PPP1R9A: variants seen among roughly 807,000 people sequenced by gnomAD.
The protein encoded by PPP1R9A is protein phosphatase 1 regulatory subunit 9A.
Under a neutral mutation model 141.9 loss-of-function variants are expected in PPP1R9A, and 59 were observed. That is an observed-to-expected ratio of 0.42 (90% CI 0.34 to 0.52). The LOEUF (loss-of-function observed/expected upper bound fraction) is 0.52, where lower values mean the gene tolerates loss of function less well. PPP1R9A is among the 20% of genes least tolerant of loss of function. The probability of loss-of-function intolerance (pLI) is 0.10; values close to 1 mark genes in which losing one functional copy is unlikely to be tolerated. For synonymous variants in PPP1R9A, 500 were observed against 569.7 expected (o/e 0.88, Z 1.74); for missense variants, 1,444 against 1,611.9 (o/e 0.90, Z 1.78).
chr7:95,053,154 G>T (rs1811044628), intron 2 of PPP1R9A, among the ~76,000 whole-genome samples: 1 of 152,168 alleles, frequency 6.6e-6, no homozygotes, highest in African/African-American at 2.4e-5. Context: ...TCATTAAAAT[G>T]TTGTTCACAG....
At chr7:94,913,064 C>T (rs1791648728) in intron 2 of PPP1R9A, among the ~76,000 whole-genome samples, 1 of 152,130 alleles carries the variant, frequency 6.6e-6, no homozygotes, top group African/African-American at 2.4e-5. Context: ...TTGAGAAAGG[C>T]AGGAATAACT....
At chr7:95,190,671 C>T (rs1458886409) in intron 5 of PPP1R9A, among the ~76,000 whole-genome samples, 8 of 152,216 alleles carry the variant, frequency 5.3e-5, no homozygotes, top group Non-Finnish European at 1.2e-4. Context: ...GGAGGTGGCG[C>T]TTTCAAGAGA....
chr7:94,947,254 G>A (rs986673447), intron 2 of PPP1R9A, among the ~76,000 whole-genome samples: 5 of 152,090 alleles, frequency 3.3e-5, no homozygotes, highest in African/African-American at 1.2e-4. Context: ...GACCATCAGT[G>A]CTGGACACTC....
intron 7 of PPP1R9A, among the ~76,000 whole-genome samples, chr7:95,210,460 G>C (rs1791847133): frequency 6.6e-6 from 1 of 151,710 alleles, no homozygotes; most frequent in Non-Finnish European, 1.5e-5. Flanking sequence ...TGAAGGGTGT[G>C]TTCAAAAAAA....
At position 95,160,074 on chromosome 7, in the gene PPP1R9A, G is replaced by T. The variant is rs565190086; in HGVS notation, c.1650-1793G>T. Among the ~76,000 whole-genome samples, 267 of 151,468 alleles carry T rather than the reference G, an allele frequency of 1.8e-3. 2 individuals carry two copies. Among genetic ancestry groups the T allele is most frequent in the African/African-American group, 6.1e-3 (251 of 41,338 alleles). On this transcript the variant is annotated intron_variant, in intron 4 of 19. Coordinates refer to ENST00000433360, the MANE Select transcript of PPP1R9A (RefSeq NM_001166160.2). ...CATGTTTGAAGTATTTCATTATGAAGAATAAAAATGATATATATAAAATAT... is the reference window on the plus strand; with the variant it reads ...CATGTTTGAAGTATTTCATTATGAATAATAAAAATGATATATATAAAATAT...
intron 5 of PPP1R9A, among the ~76,000 whole-genome samples, chr7:95,167,127 CATG>C (rs1831384477): frequency 6.6e-6 from 1 of 152,124 alleles, no homozygotes; most frequent in Non-Finnish European, 1.5e-5. Flanking sequence ...GCCTCACAAT[CATG>C]GTGGAAGGCA....
At chr7:95,221,970 A>ATG (rs1794522378) in intron 7 of PPP1R9A, among the ~76,000 whole-genome samples, 2 of 152,052 alleles carry the variant, frequency 1.3e-5, no homozygotes, top group South Asian at 4.1e-4. Flanking sequence ...TGGTATGCAT[A>ATG]TGTGTGTGTG....
intron 1 of PPP1R9A, 135 bp downstream of exon 1, chr7:94,907,837 C>A (rs1211060494): frequency 1.3e-5 from 2 of 150,424 alleles, no homozygotes; most frequent in Non-Finnish European, 3.0e-5. Context: ...TGGCCCCAGG[C>A]CGGCCCGAGC....
intron 2 of PPP1R9A, among the ~76,000 whole-genome samples, chr7:95,029,220 A>G (rs572955842): frequency 5.9e-5 from 9 of 152,306 alleles, no homozygotes; most frequent in Non-Finnish European, 1.5e-5. Context: ...AGGGTGAGGA[A>G]GTGTTTTATG....
intron 7 of PPP1R9A, among the ~76,000 whole-genome samples, chr7:95,208,534 C>T (rs1384507062): frequency 1.3e-5 from 2 of 151,864 alleles, no homozygotes; most frequent in African/African-American, 4.8e-5. Flanking sequence ...ACCATCCTGG[C>T]TAACACGGTG....
At chr7:95,288,047 G>A (rs1440267597) in intron 18 of PPP1R9A, among the ~76,000 whole-genome samples, 2 of 152,122 alleles carry the variant, frequency 1.3e-5, no homozygotes, top group African/African-American at 4.8e-5. Context: ...CTCACAGTTT[G>A]CTTGCTGCTC....
intron 7 of PPP1R9A, among the ~76,000 whole-genome samples, chr7:95,215,261 G>A (rs1001518585): frequency 2.6e-5 from 4 of 151,846 alleles, no homozygotes; most frequent in African/African-American, 7.3e-5. Context: ...TGAGAATGAT[G>A]GTTTCCAGCT....
chr7:95,002,199 AAAT>A (rs1287538527), intron 2 of PPP1R9A, among the ~76,000 whole-genome samples: 1 of 152,234 alleles, frequency 6.6e-6, no homozygotes, highest in African/African-American at 2.4e-5. Flanking sequence ...ATGTTATTAA[AAAT>A]AATGAGTGTG....
intron 2 of PPP1R9A, chr7:95,037,193 T>C (rs542769235): frequency 6.6e-6 from 1 of 152,212 alleles, no homozygotes; most frequent in African/African-American, 2.4e-5. Context: ...TATGAGCATA[T>C]AGTGGTCCAT....
chr7:95,079,992 G>C (rs1815540295), intron 2 of PPP1R9A, among the ~76,000 whole-genome samples: 4 of 151,802 alleles, frequency 2.6e-5, no homozygotes, highest in African/African-American at 9.7e-5. Context: ...TACTGAATGG[G>C]CAAAAACTGG....
rs981516305 is a variant in PPP1R9A at position 95,067,543 on chromosome 7, T to G, written c.1396-43716T>G. On this transcript the variant is annotated intron_variant, in intron 2 of 19. Transcript: ENST00000433360. ...TAACTTTATAGTTAACAAAAATTTG[T>G]GTGAGAAAGAAGAGATACTTATATA... is the stretch of plus-strand genomic sequence containing the variant. 2.6e-5 allele frequency among the ~76,000 whole-genome samples: 4 copies of G among 152,130 alleles called. No individual in the cohort carries two copies. The East Asian group carries it at 5.8e-4, about 22-fold the overall frequency.
chr7:95,165,540 C>T (rs934015584), intron 5 of PPP1R9A, among the ~76,000 whole-genome samples: 5 of 152,340 alleles, frequency 3.3e-5, no homozygotes, highest in African/African-American at 1.2e-4. Flanking sequence ...CACCAAGCCA[C>T]AATTGAACAG....
intron 5 of PPP1R9A, among the ~76,000 whole-genome samples, chr7:95,181,002 A>T (rs1833660502): frequency 6.6e-6 from 1 of 151,902 alleles, no homozygotes; most frequent in East Asian, 1.9e-4. Context: ...CTACCATGTG[A>T]TCCAGCAATC....
At chr7:95,258,719 A>G (rs1464070502) in intron 12 of PPP1R9A, among the ~76,000 whole-genome samples, 1 of 152,218 alleles carries the variant, frequency 6.6e-6, no homozygotes, top group East Asian at 1.9e-4. Context: ...AGAAGTTCAC[A>G]AAAGCAGGAA....
Sources: gnomAD v4.1 joint callset for allele counts (sites outside exome capture counted in the v4.1 genomes callset) on GRCh38, gnomAD v4.1.1 for gene constraint, MANE v1.5 for transcripts, NCBI Gene and HGNC (gene_info 2026-07-23, HGNC 2026-07-21) for gene names.